The following ACRBP variants were observed in gnomAD, a reference collection of about 807,000 sequenced individuals.
The protein encoded by ACRBP is acrosin-binding protein.
In ACRBP, 52 loss-of-function variants were observed where a neutral mutation model predicts 69.0. The observed-to-expected ratio is 0.75, with a 90% CI of 0.60 to 0.95. The LOEUF is 0.95. Among genes scored for constraint, ACRBP ranks in the 40% least tolerant of loss-of-function variants. ACRBP has a pLI of 0.00. For synonymous variants in ACRBP, 267 were observed against 258.9 expected (o/e 1.03, Z -0.30); for missense variants, 604 against 673.0 (o/e 0.90, Z 1.13).
At chr12:6,638,443 G>A (rs375909099) in intron 9 of ACRBP, 39 bp from the exon 10 acceptor site, 1 of 1,612,584 alleles carries the variant, frequency 6.2e-7, no homozygotes, top group African/African-American at 1.3e-5. Context: ...GTATCACAGA[G>A]CCAGGTGCCA....
chr12:6,646,736 C>T (rs968017534), intron 2 of ACRBP, 58 bp downstream of exon 2: 7 of 1,600,960 alleles, frequency 4.4e-6, no homozygotes, highest in Non-Finnish European at 6.0e-6. Context: ...GGGTTTTTGC[C>T]CTGAGGTTTG....
intron 1 of ACRBP, 40 bp downstream of exon 1, chr12:6,647,284 G>T: frequency 2.0e-6 from 3 of 1,537,332 alleles, no homozygotes; most frequent in Non-Finnish European, 2.6e-6. Flanking sequence ...GAGAGGACTA[G>T]CCCGGGGAGA....
chr12:6,645,134 A>T, intron 4 of ACRBP, 86 bp downstream of exon 4: 1 of 1,090,830 alleles, frequency 9.2e-7, no homozygotes, highest in South Asian at 1.4e-5. Context: ...CATGCTTCCC[A>T]TTTCCCTGCC....
intron 6 of ACRBP, among the ~76,000 whole-genome samples, chr12:6,641,380 A>T (rs1021386795): frequency 6.6e-6 from 1 of 152,302 alleles, no homozygotes; most frequent in Admixed American, 6.5e-5. Context: ...CTCCTCCCAC[A>T]TAACGGAGGC....
chr12:6,639,616 G>A lies in ACRBP; in HGVS notation c.1425+444C>T, dbSNP rs146294183. Among the ~76,000 whole-genome samples, 1,247 of 152,308 alleles carry A rather than the reference G, an allele frequency of 8.2e-3. 17 individuals carry two copies. Among genetic ancestry groups the A allele is most frequent in the African/African-American group, 0.027 (1,142 of 41,562 alleles). On this transcript the variant is annotated intron_variant, in intron 8 of 9. Coordinates refer to ENST00000229243, the MANE Select transcript of ACRBP (RefSeq NM_032489.3). ...CACAGGGGAGGTAACTCAGGGGAAC[G>A]GGGAGCCAAGTTGATTTAATTGAGC...
chr12:6,641,620 G>A lies in ACRBP; in HGVS notation c.1078-1098C>T, dbSNP rs1949053389. Among the ~76,000 whole-genome samples the A allele has an allele frequency of 2.0e-5, 3 of 152,118 alleles. No homozygotes were observed. The South Asian group carries it at 6.2e-4, about 32-fold the overall frequency. On this transcript the variant is annotated intron_variant, in intron 6 of 9. Transcript: ENST00000229243. ...TAAAACCCTGAACTTCTTGCATTTT[G>A]TTTAAGAACCTCACCGACCACACTC...
In ACRBP at chr12:6,638,416, T is replaced by C; in HGVS notation, c.1510-12A>G. The C allele has an allele frequency of 6.2e-7, 1 of 1,613,718 alleles. No individual in the cohort carries two copies. Among genetic ancestry groups the C allele is most frequent in the Non-Finnish European group, 8.5e-7 (1 of 1,179,970 alleles). On this transcript the variant is annotated splice_polypyrimidine_tract_variant and intron_variant, in intron 9 of 9. Coordinates refer to ENST00000229243, the MANE Select transcript of ACRBP (RefSeq NM_032489.3). The stretch of plus-strand genomic sequence containing the variant: ...CTCATGCGGGACACCTACACAGAGA[T>C]TCAGTGCAGACGGTCTGTATCACAG...
In ACRBP at chr12:6,645,390, C is replaced by T. The variant is rs1949080400; in HGVS notation, c.358-53G>A. ...GCCTTTCCTAAAGGGCAGACTTCTG[C>T]TCCAGCTGGTTCTTCAACCCCTTTT... On this transcript the variant is annotated intron_variant, in intron 3 of 9. Transcript: ENST00000229243. 3.6e-6 allele frequency: 5 copies of T among 1,398,676 alleles called. No individual in the cohort carries two copies. In the South Asian group the frequency reaches 5.8e-5, roughly 16 times the overall value. 86.6% of individuals were successfully genotyped at this position (1,398,676 alleles called of 1,614,324 possible).
Position 6,644,437 on chromosome 12 carries a change from T to G in ACRBP, c.644A>C (p.Glu215Ala). The G allele has an allele frequency of 6.2e-7, 1 of 1,614,074 alleles. No homozygotes were observed. The highest frequency in any genetic ancestry group is 8.5e-7 in the Non-Finnish European group (1 of 1,180,014). ...QEPTQEHKQE[E>A]GQKQEEQEEE... ...TTCTTGCTCTTCCTGTTTCTGCCCC[T>G]CTTCCTGCTTGTGTTCTTGTGTCGG... is the stretch of plus-strand genomic sequence containing the variant. The change falls in exon 5 of 10, where the codon GAG (glutamate) becomes GCG (alanine). Residue 215 changes from glutamate (E) to alanine (A), a missense_variant. Physicochemically the swap from Glu to Ala is moderately radical, Grantham distance 107 (BLOSUM62 -1). Transcript: ENST00000229243.
intron 9 of ACRBP, chr12:6,638,639 C>A: frequency 7.3e-7 from 1 of 1,361,728 alleles, no homozygotes; most frequent in Non-Finnish European, 9.7e-7. Context: ...AGTGCCTCAT[C>A]CCAGGCTACT....
Position 6,640,044 on chromosome 12 carries a change from G to C in ACRBP, c.1425+16C>G. ...GAGGGTAGGGATGGGGCTGAGCTTT[G>C]GGGAAAGGTTCTAACCTTGGTAGGG... On this transcript the variant is annotated intron_variant, in intron 8 of 9. Coordinates refer to ENST00000229243, the MANE Select transcript of ACRBP (RefSeq NM_032489.3). This position sits in a 1 kb window ranked among gnomAD's most constrained non-coding sequence, Gnocchi z 5.3. 6.2e-7 allele frequency: 1 copy of C among 1,613,790 alleles called. No individual in the cohort carries two copies. The highest frequency in any genetic ancestry group is 1.1e-5 in the South Asian group (1 of 91,048).
rs1949093860 is a variant in ACRBP at position 6,646,898 on chromosome 12, G to A, written c.158C>T (p.Thr53Ile). Residue 53 changes from threonine to isoleucine, a missense_variant, in exon 2 of 10, where the codon ACC (threonine) becomes ATC (isoleucine). Physicochemically the swap from Thr to Ile is moderately conservative, Grantham distance 89. Around this residue, in one of 3 missense-constraint regions of ACRBP, gnomAD observed 532 missense variants for 562.9 expected, o/e 0.95. Coordinates refer to ENST00000229243, the MANE Select transcript of ACRBP (RefSeq NM_032489.3). ...YERFFALLTP[T>I]WKAETTCRLR... ...ACGGCAGGTAGTCTCTGCCTTCCAG[G>A]TTGGAGTCAGCAGTGCGAAGAAGCG... 2.5e-6 allele frequency: 4 copies of A among 1,614,208 alleles called. No homozygotes were observed. The highest frequency in any genetic ancestry group is 3.4e-6 in the Non-Finnish European group (4 of 1,180,048).
rs1324135778 is a variant in ACRBP at position 6,645,253 on chromosome 12, T to C, written c.442A>G (p.Thr148Ala). The C allele has an allele frequency of 1.9e-6, 3 of 1,613,580 alleles. No individual in the cohort carries two copies. Among genetic ancestry groups the C allele is most frequent in the African/African-American group, 2.7e-5 (2 of 74,864 alleles). Residue 148 changes from threonine to alanine, a missense_variant, in exon 4 of 10, where the codon ACG becomes GCG. Around this residue, in one of 3 missense-constraint regions of ACRBP, gnomAD observed 532 missense variants for 562.9 expected, o/e 0.95. Coordinates refer to ENST00000229243, the MANE Select transcript of ACRBP (RefSeq NM_032489.3). The stretch of plus-strand genomic sequence containing the variant: ...TGGGGTGAGATGGGGGAGGTCATCG[T>C]GGTGGGTGAGACTTCAGCTGAAGCT... ...IEASAEVSPT[T>A]MTSPISPHFT... is the part of the protein sequence containing the mutation.
At chr12:6,647,228 C>T in intron 1 of ACRBP, 96 bp downstream of exon 1, 1 of 1,412,930 alleles carries the variant, frequency 7.1e-7, no homozygotes, top group Non-Finnish European at 9.6e-7. Context: ...GCGCGACCAC[C>T]ATGAGGAAGC....
chr12:6,646,336 C>T (rs1335924482), intron 3 of ACRBP, 147 bp downstream of exon 3: 1 of 684,234 alleles, frequency 1.5e-6, no homozygotes, highest in Non-Finnish European at 2.6e-6. Context: ...AGACTGTATT[C>T]ATATATAATC....
Position 6,640,766 on chromosome 12 carries a change from C to G in ACRBP, c.1078-244G>C, listed in dbSNP as rs1426021127. On this transcript the variant is annotated intron_variant, in intron 6 of 9. Coordinates refer to ENST00000229243, the MANE Select transcript of ACRBP (RefSeq NM_032489.3). The surrounding 1 kb of genome is among the most constrained non-coding windows in gnomAD (Gnocchi z 5.3). ...GTAATCATCTATCTGCGAGTGACAC[C>G]CAAATCTTTATCACCAGCTCTGATC... Among the ~76,000 whole-genome samples, 1 of 152,112 alleles carries G rather than the reference C, an allele frequency of 6.6e-6. No individual in the cohort carries two copies. The highest frequency in any genetic ancestry group is 2.1e-4 in the South Asian group (1 of 4,820).
At chr12:6,642,871 T>C (rs1344789761) in intron 6 of ACRBP, among the ~76,000 whole-genome samples, 17 of 152,324 alleles carry the variant, frequency 1.1e-4, no homozygotes, top group Non-Finnish European at 2.2e-4. Flanking sequence ...ACAGATTCCC[T>C]GGAATGGGTT....
intron 5 of ACRBP, 157 bp downstream of exon 5, chr12:6,643,980 C>A: frequency 7.2e-7 from 1 of 1,398,220 alleles, no homozygotes. Context: ...CTTAAGCCAA[C>A]AATGGGCACA....
intron 3 of ACRBP, among the ~76,000 whole-genome samples, chr12:6,645,722 G>A (rs1430858391): frequency 1.0e-4 from 15 of 150,474 alleles, no homozygotes; most frequent in Admixed American, 5.3e-4. Flanking sequence ...GTGCAGTGGC[G>A]CGATCTCGGC....
Sources: gnomAD v4.1 joint callset for allele counts (sites outside exome capture counted in the v4.1 genomes callset) on GRCh38, gnomAD v4.1.1 for gene constraint, gnomAD v4.1.1 regional missense constraint, Gnocchi (gnomAD v3.1) non-coding constraint, MANE v1.5 for transcripts, NCBI Gene and HGNC (gene_info 2026-07-23, HGNC 2026-07-21) for gene names.